CPM: variants seen among roughly 807,000 people sequenced by gnomAD.
CPM encodes renal carboxypeptidase.
In CPM, 35 loss-of-function variants were observed where a neutral mutation model predicts 46.4. That is an observed-to-expected ratio of 0.75 (90% CI 0.58 to 1.00). The LOEUF (loss-of-function observed/expected upper bound fraction) is 1.00, where lower values mean the gene tolerates loss of function less well. Among genes scored for constraint, CPM ranks in the 50% least tolerant of loss-of-function variants. The probability of loss-of-function intolerance (pLI) is 0.00; values close to 1 mark genes in which losing one functional copy is unlikely to be tolerated. For missense variants in CPM, 422 were observed against 530.4 expected, an observed-to-expected ratio of 0.80 and a Z score of 2.01; for synonymous variants, 195 against 195.3, an observed-to-expected ratio of 1.00 and a Z score of 0.01.
chr12:68,893,649 A>C (rs1886748815), intron 2 of CPM, among the ~76,000 whole-genome samples: 1 of 152,208 alleles, frequency 6.6e-6, no homozygotes, highest in African/African-American at 2.4e-5. Context: ...GTTCAGTTTA[A>C]TATGGGAATG....
downstream of CPM, chr12:68,846,282 T>A (rs1884292688): frequency 6.6e-6 from 1 of 152,294 alleles, no homozygotes; most frequent in African/African-American, 2.4e-5. Context: ...AGAGACAGTT[T>A]CACCATGTTG....
intron 2 of CPM, among the ~76,000 whole-genome samples, chr12:68,886,550 T>A (rs1886439670): frequency 6.6e-6 from 1 of 152,130 alleles, no homozygotes; most frequent in Non-Finnish European, 1.5e-5. Flanking sequence ...GAGAATGGTG[T>A]GAACCCCGGA....
At chr12:68,879,139 G>C (rs2136242425) in intron 3 of CPM, among the ~76,000 whole-genome samples, 1 of 152,316 alleles carries the variant, frequency 6.6e-6, no homozygotes, top group East Asian at 1.9e-4. Context: ...AGTGAGCCAT[G>C]ATCACACCAA....
chr12:68,901,731 C>T (rs1016570514), intron 2 of CPM, among the ~76,000 whole-genome samples: 1 of 152,186 alleles, frequency 6.6e-6, no homozygotes, highest in African/African-American at 2.4e-5. Context: ...ATGTCTTCCT[C>T]AGGATTGGAC....
rs193171699 is a variant in CPM at position 68,959,177 on chromosome 12, C to T, written c.-4+3992G>A. ...CATGAGAATAGGGTCCTGGTCATCC[C>T]GTTCAGTGTTGCATCCCAGCACCCA... On this transcript the variant is annotated intron_variant, in intron 1 of 8. Coordinates refer to the CPM transcript ENST00000546373. 4.6e-5 allele frequency among the ~76,000 whole-genome samples: 7 copies of T among 152,294 alleles called. No individual in the cohort carries two copies. The East Asian group carries it at 7.7e-4, about 17-fold the overall frequency.
At chr12:68,913,858 G>T in intron 2 of CPM, 1 of 661,586 alleles carries the variant, frequency 1.5e-6, no homozygotes, top group Non-Finnish European at 2.9e-6. Context: ...TGAGGATGCG[G>T]GGAATTACAT....
chr12:68,914,903 AG>A (rs1887742801), intron 2 of CPM, among the ~76,000 whole-genome samples: 1 of 152,208 alleles, frequency 6.6e-6, no homozygotes, highest in Non-Finnish European at 1.5e-5. Context: ...TCTGAGCCTC[AG>A]TTTCCTATCT....
At position 68,852,052 on chromosome 12, in the gene CPM, A is replaced by G. The variant is rs1884716152; in HGVS notation, c.*4385T>C. 6.6e-6 allele frequency: 1 copy of G among 152,226 alleles called. No homozygotes were observed. 9.4% of individuals were successfully genotyped at this position (152,226 alleles called of 1,614,324 possible). On this transcript the variant is annotated 3_prime_UTR_variant, in exon 9 of 9. Transcript: ENST00000551568. ...TTCCAATCTAACATCAGATATTTTTACTTTCTAAACAGAGCTAACTTGTAC... is the reference window on the plus strand; with the variant it reads ...TTCCAATCTAACATCAGATATTTTTGCTTTCTAAACAGAGCTAACTTGTAC...
At chr12:68,919,221 GC>G (rs1467497137) in intron 2 of CPM, among the ~76,000 whole-genome samples, 1 of 152,168 alleles carries the variant, frequency 6.6e-6, no homozygotes, top group Non-Finnish European at 1.5e-5. Context: ...AACAGTAACT[GC>G]TATGTTTTAG....
At chr12:68,962,210 A>AACAAAC (rs1555203341) in intron 1 of CPM, among the ~76,000 whole-genome samples, 1 of 146,006 alleles carries the variant, frequency 6.8e-6, no homozygotes, top group Non-Finnish European at 1.5e-5. Context: ...AAAAAAAAAA[A>AACAAAC]AAAAAAAACC....
chr12:68,892,742 C>G (rs149133676), intron 2 of CPM, among the ~76,000 whole-genome samples: 10 of 152,046 alleles, frequency 6.6e-5, no homozygotes, highest in African/African-American at 2.2e-4. Context: ...GCCTGTAATC[C>G]CAGCTATTCG....
intron 2 of CPM, among the ~76,000 whole-genome samples, chr12:68,927,863 T>C (rs1888335108): frequency 1.3e-5 from 2 of 152,002 alleles, no homozygotes; most frequent in Non-Finnish European, 2.9e-5. Context: ...CTCAATGAAA[T>C]AAAAGAGGAT....
At position 68,874,888 on chromosome 12, in the gene CPM, C is replaced by T. The variant is rs118187150; in HGVS notation, c.259-2932G>A. On this transcript the variant is annotated intron_variant, in intron 3 of 8. Coordinates refer to ENST00000551568, the MANE Select transcript of CPM (RefSeq NM_198320.5). ...CTCTTAGCTATCTGAATCATACACT[C>T]TCCAGCATGCAAACAATCACGACAC... Among the ~76,000 whole-genome samples, 303 of 152,264 alleles carry T rather than the reference C, an allele frequency of 2.0e-3. 1 individual carries two copies. The highest frequency in any genetic ancestry group is 4.5e-3 in the Admixed American group (69 of 15,294).
intron 2 of CPM, among the ~76,000 whole-genome samples, chr12:68,911,326 A>G (rs768781226): frequency 6.6e-6 from 1 of 152,166 alleles, no homozygotes; most frequent in Non-Finnish European, 1.5e-5. Flanking sequence ...CCAGGTCCCA[A>G]AGTGTGCTGG....
downstream of CPM, chr12:68,846,354 T>G (rs530525579): frequency 2.4e-4 from 37 of 152,318 alleles, no homozygotes; most frequent in African/African-American, 8.9e-4. Context: ...CCCAAAGTGC[T>G]GAGATTACAG....
intron 1 of CPM, among the ~76,000 whole-genome samples, chr12:68,945,596 C>G (rs1047034699): frequency 1.3e-5 from 2 of 152,108 alleles, no homozygotes; most frequent in Non-Finnish European, 2.9e-5. Context: ...TGTTGGGTCC[C>G]CAATGTTGGT....
At chr12:68,962,634 A>G (rs942856283) in intron 1 of CPM, among the ~76,000 whole-genome samples, 1 of 152,224 alleles carries the variant, frequency 6.6e-6, no homozygotes, top group Non-Finnish European at 1.5e-5. Context: ...CCCAAAGTTA[A>G]CCTGAAAAAC....
At chr12:68,868,447 T>G (rs1396696588) in intron 6 of CPM, among the ~76,000 whole-genome samples, 4 of 152,176 alleles carry the variant, frequency 2.6e-5, no homozygotes, top group African/African-American at 9.7e-5. Context: ...CAGAAATGCA[T>G]GCCGCAACTT....
intron 7 of CPM, chr12:68,866,688 A>T (rs1885464804): frequency 1.9e-6 from 1 of 514,158 alleles, no homozygotes; most frequent in Non-Finnish European, 3.4e-6. Flanking sequence ...AACATGCATC[A>T]TGCTTCCTTT....
Sources: gnomAD v4.1 joint callset for allele counts (sites outside exome capture counted in the v4.1 genomes callset) on GRCh38, gnomAD v4.1.1 for gene constraint, MANE v1.5 for transcripts, NCBI Gene and HGNC (gene_info 2026-07-23, HGNC 2026-07-21) for gene names.